The following GALNT17 variants were observed in gnomAD, a reference collection of about 807,000 sequenced individuals.
The protein encoded by GALNT17 is polypeptide N-acetylgalactosaminyltransferase 17.
In GALNT17, 29 loss-of-function variants were observed where a neutral mutation model predicts 63.7. That is an observed-to-expected ratio of 0.46 (90% CI 0.34 to 0.62). The LOEUF is 0.62. Ranked by LOEUF, GALNT17 falls within the 20% of genes least tolerant of loss-of-function variation. The probability of loss-of-function intolerance (pLI) is 0.01; values close to 1 mark genes in which losing one functional copy is unlikely to be tolerated. For synonymous variants in GALNT17, 305 were observed against 318.3 expected (o/e 0.96, Z 0.45); for missense variants, 603 against 799.6 (o/e 0.75, Z 2.97).
At chr7:71,586,039 C>T (rs1789712710) in intron 6 of GALNT17, among the ~76,000 whole-genome samples, 1 of 151,978 alleles carries the variant, frequency 6.6e-6, no homozygotes, top group Non-Finnish European at 1.5e-5. Context: ...TACCAAGTAG[C>T]TGGGACTACA....
At position 71,245,205 on chromosome 7, in the gene GALNT17, C is replaced by T. The variant is rs534643098; in HGVS notation, c.239-90345C>T. On this transcript the variant is annotated intron_variant, in intron 1 of 10. Transcript: ENST00000333538. Reference sequence around the variant, plus strand: ...CGCTTGGTGGAGCCTTTGTCATTGTCGACAATAATATGACTGAAGTCTGTG... The same window carrying T: ...CGCTTGGTGGAGCCTTTGTCATTGTTGACAATAATATGACTGAAGTCTGTG... 2.0e-3 allele frequency among the ~76,000 whole-genome samples: 297 copies of T among 152,156 alleles called. 1 individual carries two copies. Among genetic ancestry groups the T allele is most frequent in the Middle Eastern group, 6.8e-3 (2 of 294 alleles).
rs200447325 is a variant in GALNT17 at position 71,670,002 on chromosome 7, G to A, written c.1297G>A (p.Glu433Lys). 1.1e-5 allele frequency: 17 copies of A among 1,614,108 alleles called. No homozygotes were observed. Among genetic ancestry groups the A allele is most frequent in the East Asian group, 4.5e-5 (2 of 44,866 alleles). Residue 433 changes from glutamate (E) to lysine (K), a missense_variant, in exon 8 of 11, where the codon GAA (glutamate) becomes AAA (lysine). Glu to Lys is a moderately conservative substitution (Grantham distance 56, BLOSUM62 1). Coordinates refer to ENST00000333538, the MANE Select transcript of GALNT17 (RefSeq NM_022479.3). ...GGGAATTGACATCGGTGATGTCTCC[G>A]AAAGAAGAGCATTAAGGAAAAGTTT... ...NPGIDIGDVS[E>K]RRALRKSLKC...
At chr7:71,148,185 G>C (rs959247355) in intron 1 of GALNT17, among the ~76,000 whole-genome samples, 11 of 152,140 alleles carry the variant, frequency 7.2e-5, no homozygotes, top group Middle Eastern at 3.2e-3. Flanking sequence ...CAAGTAATTT[G>C]TTCTCACTTC....
chr7:71,685,231 G>T (rs967069362), intron 9 of GALNT17, among the ~76,000 whole-genome samples: 1 of 152,084 alleles, frequency 6.6e-6, no homozygotes, highest in Admixed American at 6.6e-5. Flanking sequence ...CACATTTCAG[G>T]AAATAATCAC....
intron 1 of GALNT17, among the ~76,000 whole-genome samples, chr7:71,281,553 C>T (rs757298761): frequency 2.1e-4 from 32 of 152,134 alleles, no homozygotes; most frequent in African/African-American, 3.9e-4. Context: ...GATCCATGGG[C>T]GGCTTCTCCA....
At chr7:71,247,484 C>A (rs1790120441) in intron 1 of GALNT17, among the ~76,000 whole-genome samples, 2 of 152,024 alleles carry the variant, frequency 1.3e-5, no homozygotes, top group South Asian at 4.1e-4. Flanking sequence ...GAGATGGAGT[C>A]TTTTTCTGTC....
chr7:71,215,259 A>G (rs2116403789), intron 1 of GALNT17, among the ~76,000 whole-genome samples: 1 of 152,250 alleles, frequency 6.6e-6, no homozygotes, highest in East Asian at 1.9e-4. Context: ...AGCTCCTGCC[A>G]CATAATGAAT....
intron 1 of GALNT17, among the ~76,000 whole-genome samples, chr7:71,182,187 T>A (rs997599356): frequency 2.0e-5 from 3 of 150,830 alleles, no homozygotes; most frequent in African/African-American, 7.4e-5. Context: ...AAAAAATAAA[T>A]AAATAAGAGA....
intron 2 of GALNT17, among the ~76,000 whole-genome samples, chr7:71,370,199 G>T (rs2707447): frequency 6.6e-6 from 1 of 152,178 alleles, no homozygotes; most frequent in South Asian, 2.1e-4. Flanking sequence ...AGCTAACTCA[G>T]TTTCCAAACA....
At chr7:71,345,296 G>A (rs1030605241) in intron 2 of GALNT17, among the ~76,000 whole-genome samples, 5 of 151,998 alleles carry the variant, frequency 3.3e-5, no homozygotes, top group Middle Eastern at 3.4e-3. Context: ...TGAGATCCCC[G>A]CACCAATTTT....
intron 3 of GALNT17, among the ~76,000 whole-genome samples, chr7:71,396,555 A>G (rs1793143173): frequency 6.6e-6 from 1 of 151,954 alleles, no homozygotes; most frequent in African/African-American, 2.4e-5. Context: ...GAAGTGTGAG[A>G]CCTCTCACCT....
At chr7:71,420,311 G>A (rs1439039188) in intron 4 of GALNT17, among the ~76,000 whole-genome samples, 2 of 152,152 alleles carry the variant, frequency 1.3e-5, no homozygotes, top group African/African-American at 4.8e-5. Context: ...TTAGTTTCCA[G>A]TCTCCTATTG....
intron 1 of GALNT17, among the ~76,000 whole-genome samples, chr7:71,156,551 CAATT>C (rs1425959911): frequency 6.7e-6 from 1 of 149,808 alleles, no homozygotes; most frequent in East Asian, 1.9e-4. Flanking sequence ...GCTGTTGTGA[CAATT>C]AAATTCATTT....
chr7:71,625,736 C>T (rs550030119), intron 6 of GALNT17, among the ~76,000 whole-genome samples: 2 of 152,270 alleles, frequency 1.3e-5, no homozygotes, highest in Non-Finnish European at 2.9e-5. Flanking sequence ...AAAGCGCTGA[C>T]AGTCTGTGTT....
chr7:71,479,792 A>G (rs1161338834), intron 5 of GALNT17, among the ~76,000 whole-genome samples: 1 of 152,298 alleles, frequency 6.6e-6, no homozygotes, highest in Non-Finnish European at 1.5e-5. Context: ...TGGAGCTGAT[A>G]TTCTCAGGCA....
chr7:71,433,162 G>A (rs565363010), intron 5 of GALNT17, among the ~76,000 whole-genome samples: 9 of 152,208 alleles, frequency 5.9e-5, no homozygotes, highest in African/African-American at 1.4e-4. Flanking sequence ...AAGACTATCC[G>A]GTCTTCATCT....
intron 2 of GALNT17, among the ~76,000 whole-genome samples, chr7:71,345,484 A>C (rs983006017): frequency 4.6e-5 from 7 of 152,072 alleles, no homozygotes; most frequent in African/African-American, 1.7e-4. Context: ...ATTCTAACCC[A>C]TTTTATCCCG....
intron 1 of GALNT17, among the ~76,000 whole-genome samples, chr7:71,197,668 A>G (rs936539502): frequency 2.0e-5 from 3 of 152,000 alleles, no homozygotes; most frequent in African/African-American, 7.3e-5. Flanking sequence ...TTCAATTTTT[A>G]GCCTCCACAA....
At chr7:71,276,294 T>C (rs894280415) in intron 1 of GALNT17, among the ~76,000 whole-genome samples, 5 of 152,120 alleles carry the variant, frequency 3.3e-5, no homozygotes, top group African/African-American at 1.2e-4. Context: ...TGCCATTCGA[T>C]CCAGTAATCC....
Sources: gnomAD v4.1 joint callset for allele counts (sites outside exome capture counted in the v4.1 genomes callset) on GRCh38, gnomAD v4.1.1 for gene constraint, MANE v1.5 for transcripts, NCBI Gene and HGNC (gene_info 2026-07-23, HGNC 2026-07-21) for gene names.